The following PIK3C2A variants were observed in gnomAD, a reference collection of about 807,000 sequenced individuals.
PIK3C2A encodes phosphatidylinositol 4-phosphate 3-kinase C2 domain-containing subunit alpha.
A neutral mutation model predicts 204.5 loss-of-function variants in PIK3C2A; 97 were observed. The ratio of observed to expected loss-of-function variants is 0.47; its 90% CI spans 0.40 to 0.56. PIK3C2A has a LOEUF of 0.56. PIK3C2A is among the 20% of genes least tolerant of loss of function. The probability of loss-of-function intolerance (pLI) is 0.00; values close to 1 mark genes in which losing one functional copy is unlikely to be tolerated. For missense variants in PIK3C2A, 1,735 were observed against 1,969.2 expected (o/e 0.88, Z 2.25); for synonymous variants, 653 against 664.4 (o/e 0.98, Z 0.26).
At chr11:17,186,230 A>G (rs1389041795) in intron 1 of PIK3C2A, among the ~76,000 whole-genome samples, 1 of 152,102 alleles carries the variant, frequency 6.6e-6, no homozygotes, top group African/African-American at 2.4e-5. Context: ...GTCCTCCCTG[A>G]TAACCAAGTT....
intron 1 of PIK3C2A, among the ~76,000 whole-genome samples, chr11:17,186,138 C>T (rs1455082463): frequency 6.6e-6 from 1 of 152,156 alleles, no homozygotes. Flanking sequence ...TTACCTCTGA[C>T]TAGACTGTTC....
intron 2 of PIK3C2A, among the ~76,000 whole-genome samples, chr11:17,165,768 T>C (rs1850922810): frequency 1.3e-5 from 1 of 76,280 alleles, no homozygotes. Flanking sequence ...AGAGAGAAAC[T>C]GTCTCAAAAA....
Position 17,119,962 on chromosome 11 carries a change from T to C in PIK3C2A, c.2670A>G (p.Glu890=). Residue 890 remains glutamate, a synonymous_variant, in exon 16 of 33, where the codon GAA becomes GAG. Transcript: ENST00000691414. ...HKDSSLGLSK[E]DKAFLWEKRY... ...GTTTCTCCCATAAAAAAGCTTTATC[T>C]TCTTTAGAAAGTCTGCATATATAAT... 1 of 1,546,750 alleles carries C rather than the reference T, an allele frequency of 6.5e-7. No individual in the cohort carries two copies. The highest frequency in any genetic ancestry group is 1.8e-5 in the Admixed American group (1 of 56,796).
At chr11:17,199,193 T>G (rs1398982463) in intron 1 of PIK3C2A, among the ~76,000 whole-genome samples, 1 of 150,928 alleles carries the variant, frequency 6.6e-6, no homozygotes, top group Non-Finnish European at 1.5e-5. Context: ...GTCAACCTAC[T>G]AGAATGGCTA....
In PIK3C2A at chr11:17,136,701, T is replaced by C. The variant is rs187672605; in HGVS notation, c.1705-76A>G. On this transcript the variant is annotated intron_variant, in intron 8 of 32. Coordinates refer to ENST00000691414, the MANE Select transcript of PIK3C2A (RefSeq NM_002645.4). ...CAATTCCAGAGACGAAGTCAGAAAC[T>C]AGATATCTTAGATATCCCTAACAGA... 29 of 683,068 alleles carry C rather than the reference T, an allele frequency of 4.2e-5. No individual in the cohort carries two copies. In the Admixed American group the frequency reaches 4.3e-4, roughly 10 times the overall value. 42.3% of individuals were successfully genotyped at this position (683,068 alleles called of 1,614,324 possible).
At chr11:17,124,561 C>T (rs936244646) in intron 13 of PIK3C2A, among the ~76,000 whole-genome samples, 1 of 151,430 alleles carries the variant, frequency 6.6e-6, no homozygotes, top group Non-Finnish European at 1.5e-5. Context: ...AATTCAGGGT[C>T]AGCAAACTCC....
chr11:17,138,880 T>G (rs1378343516), intron 8 of PIK3C2A, among the ~76,000 whole-genome samples: 1 of 152,162 alleles, frequency 6.6e-6, no homozygotes, highest in African/African-American at 2.4e-5. Context: ...TTTCACCCCT[T>G]AAAGCAATTA....
intron 1 of PIK3C2A, among the ~76,000 whole-genome samples, chr11:17,185,069 A>G (rs1019892428): frequency 6.6e-6 from 1 of 152,150 alleles, no homozygotes; most frequent in African/African-American, 2.4e-5. Context: ...TTCACTCACT[A>G]TTCACTCATT....
chr11:17,111,467 T>TTC (rs1848997556), intron 21 of PIK3C2A, among the ~76,000 whole-genome samples: 1 of 152,238 alleles, frequency 6.6e-6, no homozygotes, highest in Admixed American at 6.5e-5. Flanking sequence ...AAAACTTGAA[T>TTC]AAGTTTTCAT....
At chr11:17,107,411 G>C (rs188266237) in intron 22 of PIK3C2A, among the ~76,000 whole-genome samples, 1 of 152,242 alleles carries the variant, frequency 6.6e-6, no homozygotes, top group East Asian at 1.9e-4. Flanking sequence ...TTGATAGAAA[G>C]ATCTCAAAAA....
chr11:17,179,404 C>G (rs1463932407), intron 1 of PIK3C2A, among the ~76,000 whole-genome samples: 1 of 151,884 alleles, frequency 6.6e-6, no homozygotes, highest in African/African-American at 2.4e-5. Flanking sequence ...CAAAGCAATC[C>G]TCTCACCTGA....
intron 1 of PIK3C2A, among the ~76,000 whole-genome samples, chr11:17,175,025 C>T (rs1565292398): frequency 6.6e-6 from 1 of 152,130 alleles, no homozygotes; most frequent in Non-Finnish European, 1.5e-5. Context: ...TCCTTGTTGC[C>T]ACATCTGGTA....
At position 17,129,473 on chromosome 11, in the gene PIK3C2A, G is replaced by A; in HGVS notation, c.2232-6C>T. The stretch of plus-strand genomic sequence containing the variant: ...TCTGGATAGGAAAAATGATTCTATG[G>A]GGGGAAAAATGTATTAATAGAACAA... On this transcript the variant is annotated splice_region_variant and splice_polypyrimidine_tract_variant and intron_variant, in intron 12 of 32. Transcript: ENST00000691414. The A allele has an allele frequency of 6.4e-7, 1 of 1,573,636 alleles. No individual in the cohort carries two copies. The highest frequency in any genetic ancestry group is 8.7e-7 in the Non-Finnish European group (1 of 1,147,210).
intron 1 of PIK3C2A, among the ~76,000 whole-genome samples, chr11:17,173,513 T>C (rs1265611992): frequency 6.6e-6 from 1 of 152,230 alleles, no homozygotes; most frequent in Non-Finnish European, 1.5e-5. Context: ...GAAAGACAGA[T>C]TCTGGCTAAT....
chr11:17,144,796 T>C (rs1030686342), intron 8 of PIK3C2A, among the ~76,000 whole-genome samples: 6 of 144,274 alleles, frequency 4.2e-5, no homozygotes, highest in African/African-American at 1.0e-4. Flanking sequence ...CTCAGGAGGC[T>C]GAGGCAGGAG....
chr11:17,129,328 C>T lies in PIK3C2A; in HGVS notation c.2371G>A (p.Val791Ile), dbSNP rs758187997. Reference protein sequence around the residue: ...QRKGPEALGKVSLPLFDFKRF... With the variant: ...QRKGPEALGKISLPLFDFKRF... ...TTAAAGTCAAAAAGAGGTAAAGAAA[C>T]TTTGCCCAAAGCTTCTGGTCCCTTT... Residue 791 changes from valine (V) to isoleucine (I), a missense_variant, in exon 13 of 33, where the codon GTT becomes ATT. This residue lies in a region of PIK3C2A where 567 missense variants were observed against 576.0 expected (regional missense o/e 0.98). Transcript: ENST00000691414. 5.0e-6 allele frequency: 8 copies of T among 1,613,726 alleles called. No homozygotes were observed. In the African/African-American group the frequency reaches 6.7e-5, roughly 13 times the overall value.
At chr11:17,159,190 T>C (rs1055849937) in intron 2 of PIK3C2A, among the ~76,000 whole-genome samples, 1 of 152,256 alleles carries the variant, frequency 6.6e-6, no homozygotes, top group African/African-American at 2.4e-5. Flanking sequence ...CAAGACTTTC[T>C]ATTTTGTACT....
chr11:17,143,998 T>A (rs955681338), intron 8 of PIK3C2A, among the ~76,000 whole-genome samples: 5 of 152,094 alleles, frequency 3.3e-5, no homozygotes, highest in East Asian at 1.9e-4. Context: ...TTTTTTTTTT[T>A]AATTTACAAA....
At position 17,132,049 on chromosome 11, in the gene PIK3C2A, A is replaced by T; in HGVS notation, c.2109-11T>A. 6.9e-7 allele frequency: 1 copy of T among 1,448,870 alleles called. No individual in the cohort carries two copies. Among genetic ancestry groups the T allele is most frequent in the Non-Finnish European group, 9.5e-7 (1 of 1,055,506 alleles). The allele number at this position is 1,448,870 out of a possible 1,614,324, so 89.8% of individuals were successfully genotyped here. ...TAGTATTTTTCATAACTGAGAAAAG[A>T]AAGTTTAACTTGATTTCTATCATGA... On this transcript the variant is annotated splice_polypyrimidine_tract_variant and intron_variant, in intron 11 of 32. Transcript: ENST00000691414.
Sources: allele counts gnomAD v4.1 joint callset (sites outside exome capture counted in the v4.1 genomes callset), GRCh38; gene constraint gnomAD v4.1.1; regional missense constraint gnomAD v4.1.1; transcripts MANE v1.5; gene names NCBI Gene and HGNC (gene_info 2026-07-23, HGNC 2026-07-21).